Variants in FBN1 observed in about 807,000 individuals in gnomAD.
The protein encoded by FBN1 is fibrillin 1.
In FBN1, 29 loss-of-function variants were observed where a neutral mutation model predicts 365.1. The observed-to-expected ratio is 0.08, with a 90% confidence interval of 0.06 to 0.11. FBN1 has a LOEUF of 0.11. Among genes scored for constraint, FBN1 ranks in the 10% least tolerant of loss-of-function variants. The pLI, the probability that FBN1 is intolerant of heterozygous loss-of-function variation, is 1.00. For synonymous variants in FBN1, 1,210 were observed against 1,270.5 expected, an observed-to-expected ratio of 0.95 and a Z score of 1.01; for missense variants, 2,476 against 3,703.2, an observed-to-expected ratio of 0.67 and a Z score of 8.60.
intron 45 of FBN1, among the ~76,000 whole-genome samples, chr15:48,450,721 A>G (rs551474266): frequency 6.6e-6 from 1 of 152,364 alleles, no homozygotes; most frequent in African/African-American, 2.4e-5. Context: ...TCTCTCAGCA[A>G]TAATGTGGGT....
chr15:48,472,503 A>G, intron 35 of FBN1, 48 bp downstream of exon 35: 1 of 1,611,992 alleles, frequency 6.2e-7, no homozygotes, highest in Non-Finnish European at 8.5e-7. Context: ...TAAATAACCT[A>G]ATCTCATCAA....
chr15:48,427,452 A>G (rs1261334700), intron 58 of FBN1, 115 bp downstream of exon 58: 2 of 1,098,332 alleles, frequency 1.8e-6, no homozygotes, highest in South Asian at 1.4e-5. Context: ...TGTTGGCCTC[A>G]GCTGTGCAAT....
Position 48,490,085 on chromosome 15 carries a change from G to C in FBN1, c.2855-7C>G. 1 of 1,613,800 alleles carries C rather than the reference G, an allele frequency of 6.2e-7. No homozygotes were observed. Among genetic ancestry groups the C allele is most frequent in the Non-Finnish European group, 8.5e-7 (1 of 1,179,766 alleles). ...CAGGTTTCCAGGCGGATATCTGTCAGAGGGAATCAAGGGAGGTTAAATAGA... is the reference window on the plus strand; with the variant it reads ...CAGGTTTCCAGGCGGATATCTGTCACAGGGAATCAAGGGAGGTTAAATAGA... On this transcript the variant is annotated splice_region_variant and splice_polypyrimidine_tract_variant and intron_variant, in intron 24 of 65. Coordinates refer to ENST00000316623, the MANE Select transcript of FBN1 (RefSeq NM_000138.5).
intron 48 of FBN1, among the ~76,000 whole-genome samples, chr15:48,445,028 T>C (rs2043142578): frequency 6.6e-6 from 1 of 150,956 alleles, no homozygotes; most frequent in Admixed American, 6.6e-5. Context: ...CAGAGCAATT[T>C]AGCAATTTCA....
intron 53 of FBN1, among the ~76,000 whole-genome samples, chr15:48,435,744 A>ATATATATGTGTG (rs2043063808): frequency 8.9e-6 from 1 of 112,662 alleles, no homozygotes; most frequent in South Asian, 3.6e-4. Context: ...ATATGTGTGT[A>ATATATATGTGTG]TATATATGTG....
chr15:48,487,732 C>G (rs1035500214), intron 27 of FBN1, among the ~76,000 whole-genome samples: 1 of 152,208 alleles, frequency 6.6e-6, no homozygotes, highest in African/African-American at 2.4e-5. Flanking sequence ...GCAAGAATCT[C>G]CATTTCAAAC....
At chr15:48,500,935 G>A (rs1168909606) in intron 17 of FBN1, among the ~76,000 whole-genome samples, 4 of 152,126 alleles carry the variant, frequency 2.6e-5, no homozygotes, top group Non-Finnish European at 5.9e-5. Context: ...CATTCCTTTT[G>A]AATATTTTCA....
Position 48,408,536 on chromosome 15 carries a change from G to A in FBN1, c.*2454C>T, listed in dbSNP as rs1467600797. On this transcript the variant is annotated 3_prime_UTR_variant, in exon 66 of 66. Coordinates refer to ENST00000316623, the MANE Select transcript of FBN1 (RefSeq NM_000138.5). ...ATTATTGGCAAATGAAATGGGCTGA[G>A]GGGGTAGAGACAAGATATTTTCAAG... is the stretch of plus-strand genomic sequence containing the variant. The A allele has an allele frequency of 6.6e-6, 1 of 152,632 alleles. No homozygotes were observed. Among genetic ancestry groups the A allele is most frequent in the African/African-American group, 2.4e-5 (1 of 41,452 alleles). 9.5% of individuals were successfully genotyped at this position (152,632 alleles called of 1,614,324 possible). A position where few individuals can be genotyped will look rare whatever the true frequency, so the allele number is the denominator to read the frequency against.
At chr15:48,507,981 G>C (rs1018458434) in intron 15 of FBN1, among the ~76,000 whole-genome samples, 1 of 151,414 alleles carries the variant, frequency 6.6e-6, no homozygotes, top group Non-Finnish European at 1.5e-5. Flanking sequence ...CTGGGGCAAT[G>C]AGATTATTTC....
Position 48,488,177 on chromosome 15 carries a change from C to A in FBN1, c.3273G>T (p.Gly1091=). 1 of 1,614,178 alleles carries A rather than the reference C, an allele frequency of 6.2e-7. No homozygotes were observed. Among genetic ancestry groups the A allele is most frequent in the South Asian group, 1.1e-5 (1 of 91,080 alleles). Residue 1091 remains glycine, a synonymous_variant, in exon 27 of 66, where the codon GGG becomes GGT. Coordinates refer to ENST00000316623, the MANE Select transcript of FBN1 (RefSeq NM_000138.5). Reference sequence around the variant, plus strand: ...CTTCGTCACACTTGCATTCAAAGTCCCCAGGGGTGTTCACACACTGGCCTC... The same window carrying A: ...CTTCGTCACACTTGCATTCAAAGTCACCAGGGGTGTTCACACACTGGCCTC... ...CGRGQCVNTP[G]DFECKCDEGY...
chr15:48,470,327 T>C (rs996673629), intron 36 of FBN1, among the ~76,000 whole-genome samples: 2 of 151,920 alleles, frequency 1.3e-5, no homozygotes, highest in African/African-American at 4.8e-5. Flanking sequence ...TCTCCAAAAA[T>C]GTACCCAAGT....
chr15:48,603,310 G>A lies in FBN1; in HGVS notation c.347-3076C>T, dbSNP rs150267440. Among the ~76,000 whole-genome samples, 134 of 152,302 alleles carry A rather than the reference G, an allele frequency of 8.8e-4. 1 individual carries two copies. Among genetic ancestry groups the A allele is most frequent in the South Asian group, 1.0e-3 (5 of 4,824 alleles). On this transcript the variant is annotated intron_variant, in intron 4 of 65. Transcript: ENST00000316623. ...CTTGGGGGAAGCCAGGAGGAGGCAG[G>A]CTCAGCACAGGTAATAGGCTCTGAA...
chr15:48,417,473 C>T (rs866253329), intron 63 of FBN1, among the ~76,000 whole-genome samples: 10 of 103,828 alleles, frequency 9.6e-5, no homozygotes, highest in African/African-American at 3.8e-4. Flanking sequence ...CCTTCCTTTC[C>T]TTCCTTCCTT....
intron 38 of FBN1, among the ~76,000 whole-genome samples, chr15:48,467,248 T>A (rs1046598398): frequency 2.6e-5 from 4 of 152,220 alleles, no homozygotes; most frequent in Non-Finnish European, 5.9e-5. Context: ...TAATTCATCT[T>A]TGCACATCCA....
chr15:48,629,843 A>G (rs1889951206), intron 2 of FBN1, among the ~76,000 whole-genome samples: 1 of 152,130 alleles, frequency 6.6e-6, no homozygotes. Flanking sequence ...AGTCTCCTAC[A>G]TGCCATCATG....
chr15:48,452,249 G>C (rs909410458), intron 45 of FBN1, among the ~76,000 whole-genome samples: 1 of 151,958 alleles, frequency 6.6e-6, no homozygotes, highest in African/African-American at 2.4e-5. Context: ...ATGCATAATT[G>C]TGTGTGTGTG....
chr15:48,589,770 C>G (rs555957868), intron 6 of FBN1, among the ~76,000 whole-genome samples: 1 of 151,968 alleles, frequency 6.6e-6, no homozygotes. Context: ...CCCACCACCA[C>G]GCCCGGCTAA....
intron 19 of FBN1, 109 bp from the exon 20 acceptor site, chr15:48,496,334 G>T: frequency 7.4e-7 from 1 of 1,350,996 alleles, no homozygotes; most frequent in Non-Finnish European, 1.0e-6. Flanking sequence ...ATCAATTCAA[G>T]CAAAAAGGCA....
intron 4 of FBN1, among the ~76,000 whole-genome samples, chr15:48,602,219 C>T (rs1377986615): frequency 6.6e-6 from 1 of 152,172 alleles, no homozygotes; most frequent in East Asian, 1.9e-4. Context: ...CTTCCTTCCG[C>T]TAATCTTTTC....
Sources: allele counts gnomAD v4.1 joint callset (sites outside exome capture counted in the v4.1 genomes callset), GRCh38; gene constraint gnomAD v4.1.1; transcripts MANE v1.5; gene names NCBI Gene and HGNC (gene_info 2026-07-23, HGNC 2026-07-21).